DPYSL4: variants seen among roughly 807,000 people sequenced by gnomAD.
DPYSL4 encodes dihydropyrimidinase-related protein 4.
A neutral mutation model predicts 63.4 loss-of-function variants in DPYSL4; 43 were observed. The ratio of observed to expected loss-of-function variants is 0.68; its 90% CI spans 0.53 to 0.88. The LOEUF is 0.88. Among genes scored for constraint, DPYSL4 ranks in the 40% least tolerant of loss-of-function variants. The probability of loss-of-function intolerance (pLI) is 0.00; values close to 1 mark genes in which losing one functional copy is unlikely to be tolerated. For synonymous variants in DPYSL4, 353 were observed against 331.7 expected (o/e 1.06, Z -0.70); for missense variants, 733 against 819.5 (o/e 0.89, Z 1.29).
At chr10:132,189,430 T>C (rs1462238922) in intron 1 of DPYSL4, among the ~76,000 whole-genome samples, 1 of 152,266 alleles carries the variant, frequency 6.6e-6, no homozygotes, top group Admixed American at 6.5e-5. Flanking sequence ...CCCGGCCATC[T>C]GGTAGGATTC....
chr10:132,204,945 C>CCGA lies in DPYSL4; in HGVS notation c.*16_*17insGAC. The CCGA allele has an allele frequency of 6.2e-7, 1 of 1,602,594 alleles. No homozygotes were observed. The highest frequency in any genetic ancestry group is 2.2e-5 in the East Asian group (1 of 44,594). On this transcript the variant is annotated 3_prime_UTR_variant, in exon 14 of 14. Coordinates refer to ENST00000338492, the MANE Select transcript of DPYSL4 (RefSeq NM_006426.3). ...CTCTCTCCTAGACGCCCAGGACCGG[C>CCGA]CCTGTGAGCCGTGCTGGCCCCACCC...
chr10:132,203,752 C>G lies in DPYSL4; in HGVS notation c.1462-10C>G, dbSNP rs750218124. ...CTCATGCCCTGTCTCTGCCCCCACCCCCCCGGCAGCTGGCGGAGATCCACG... is the reference window on the plus strand; with the variant it reads ...CTCATGCCCTGTCTCTGCCCCCACCGCCCCGGCAGCTGGCGGAGATCCACG... On this transcript the variant is annotated splice_polypyrimidine_tract_variant and intron_variant, in intron 12 of 13. Transcript: ENST00000338492. 5 of 1,595,246 alleles carry G rather than the reference C, an allele frequency of 3.1e-6. No individual in the cohort carries two copies. In the Admixed American group the frequency reaches 8.4e-5, roughly 27 times the overall value.
intron 8 of DPYSL4, among the ~76,000 whole-genome samples, chr10:132,199,691 CGGGGTGGTGGTGGTGGTGGGT>C (rs1420167486): frequency 2.1e-5 from 1 of 48,442 alleles, no homozygotes; most frequent in African/African-American, 9.0e-5. Context: ...GGGTGGGGGG[CGGGGTGGTGGTGGTGGTGGGT>C]GGTGCCCTTC....
intron 6 of DPYSL4, 126 bp downstream of exon 6, chr10:132,197,227 C>A (rs2061957798): frequency 1.2e-6 from 1 of 858,852 alleles, no homozygotes; most frequent in Non-Finnish European, 1.7e-6. Context: ...CAGAATCCCA[C>A]AAAACCTTGA....
intron 11 of DPYSL4, among the ~76,000 whole-genome samples, chr10:132,202,422 C>T (rs922361378): frequency 1.3e-5 from 2 of 152,240 alleles, no homozygotes; most frequent in African/African-American, 4.8e-5. Context: ...CGCCTGTCCC[C>T]TTTGTCCTCG....
At chr10:132,192,333 C>T in intron 2 of DPYSL4, 1 of 1,018,366 alleles carries the variant, frequency 9.8e-7, no homozygotes. Context: ...ATACTGGTGC[C>T]CACATCTATT....
At chr10:132,190,320 C>G (rs1051450386) in intron 1 of DPYSL4, among the ~76,000 whole-genome samples, 3 of 152,214 alleles carry the variant, frequency 2.0e-5, no homozygotes, top group Non-Finnish European at 4.4e-5. Flanking sequence ...CAGCTCCGTC[C>G]GCTCCCAGCC....
Position 132,198,974 on chromosome 10 carries a change from G to A in DPYSL4, c.811+3G>A. The A allele has an allele frequency of 1.2e-6, 2 of 1,603,354 alleles. No individual in the cohort carries two copies. The highest frequency in any genetic ancestry group is 1.7e-6 in the Non-Finnish European group (2 of 1,174,090). ...CATCGCTCAGGCCAAGCGCAGAGGT[G>A]AGCACCCAGCCCCGCCTCTGATGCC... On this transcript the variant is annotated splice_donor_region_variant and intron_variant, in intron 8 of 13. Coordinates refer to ENST00000338492, the MANE Select transcript of DPYSL4 (RefSeq NM_006426.3).
intron 4 of DPYSL4, 49 bp downstream of exon 4, chr10:132,195,058 G>A (rs771906117): frequency 5.7e-6 from 9 of 1,571,596 alleles, no homozygotes; most frequent in East Asian, 2.3e-5. Context: ...CCTGGTGGAG[G>A]AGCCTCTGCC....
intron 6 of DPYSL4, among the ~76,000 whole-genome samples, chr10:132,197,535 C>T (rs1297111995): frequency 3.9e-5 from 6 of 152,204 alleles, no homozygotes; most frequent in East Asian, 1.9e-4. Flanking sequence ...GCAGTGGCGC[C>T]GACCCCCCAG....
In DPYSL4 at chr10:132,203,813, G is replaced by A. The variant is rs369633026; in HGVS notation, c.1513G>A (p.Glu505Lys). The part of the protein sequence containing the change: ...PRGLYDGPVH[E>K]VMVPAKPGSG... ...TGGACTGTATGACGGGCCCGTCCAC[G>A]AGGTGATGGTGCCTGCCAAGCCAGG... Residue 505 changes from glutamate (E) to lysine (K), a missense_variant, in exon 13 of 14, where the codon GAG becomes AAG. Glu to Lys is a moderately conservative substitution (Grantham distance 56). Transcript: ENST00000338492. 1.0e-4 allele frequency: 161 copies of A among 1,612,614 alleles called. No homozygotes were observed. Among genetic ancestry groups the A allele is most frequent in the Middle Eastern group, 1.7e-4 (1 of 6,058 alleles).
Position 132,205,002 on chromosome 10 carries a change from C to G in DPYSL4, c.*72C>G, listed in dbSNP as rs1195310114. 9 of 1,242,632 alleles carry G rather than the reference C, an allele frequency of 7.2e-6. No homozygotes were observed. The highest frequency in any genetic ancestry group is 1.5e-5 in the African/African-American group (1 of 65,722). The allele number at this position is 1,242,632 out of a possible 1,614,324, so 77.0% of individuals were successfully genotyped here. On this transcript the variant is annotated 3_prime_UTR_variant, in exon 14 of 14. Coordinates refer to ENST00000338492, the MANE Select transcript of DPYSL4 (RefSeq NM_006426.3). ...GCGGGGGCCCCAGGGCACTCGCCCC[C>G]CTCCTTAGCATTTTCTTTTGTAGAA...
chr10:132,188,722 G>A (rs1211033089), intron 1 of DPYSL4, among the ~76,000 whole-genome samples: 2 of 152,236 alleles, frequency 1.3e-5, no homozygotes, highest in Non-Finnish European at 2.9e-5. Context: ...AGCAGTCCTG[G>A]ACATTTAGGA....
chr10:132,199,089 A>C, intron 8 of DPYSL4, 118 bp downstream of exon 8: 1 of 1,418,228 alleles, frequency 7.1e-7, no homozygotes, highest in Non-Finnish European at 9.3e-7. Flanking sequence ...CTGGACCCTG[A>C]GTCCCTGCAT....
chr10:132,204,753 CA>C, intron 13 of DPYSL4, 85 bp from the exon 14 acceptor site: 2 of 1,218,280 alleles, frequency 1.6e-6, no homozygotes, highest in Non-Finnish European at 2.3e-6. Context: ...CCCACTGACG[CA>C]GCCACTGACT....
chr10:132,199,565 G>A (rs2061985556), intron 8 of DPYSL4, among the ~76,000 whole-genome samples: 1 of 151,990 alleles, frequency 6.6e-6, no homozygotes, highest in Non-Finnish European at 1.5e-5. Flanking sequence ...AAATGAGGGG[G>A]CATCCCCTAG....
chr10:132,202,844 G>A lies in DPYSL4; in HGVS notation c.1461+19G>A, dbSNP rs2062037671. ...CAACAGGGTAGGGCGGCACCCGCAA[G>A]GGTGTTGTGCAGGTAGGCAGGTGGG... On this transcript the variant is annotated intron_variant, in intron 12 of 13. Coordinates refer to ENST00000338492, the MANE Select transcript of DPYSL4 (RefSeq NM_006426.3). The A allele has an allele frequency of 6.4e-7, 1 of 1,571,114 alleles. No individual in the cohort carries two copies. Among genetic ancestry groups the A allele is most frequent in the Admixed American group, 1.8e-5 (1 of 57,122 alleles).
At chr10:132,198,328 G>A in intron 6 of DPYSL4, 87 bp from the exon 7 acceptor site, 1 of 1,367,576 alleles carries the variant, frequency 7.3e-7, no homozygotes, top group South Asian at 1.3e-5. Context: ...ACCACTTGGG[G>A]AATGGGGCCT....
chr10:132,199,709 G>A (rs2061987661), intron 8 of DPYSL4, among the ~76,000 whole-genome samples: 1 of 151,924 alleles, frequency 6.6e-6, no homozygotes, highest in African/African-American at 2.4e-5. Context: ...TGGTGGTGGT[G>A]GGTGGTGCCC....
Sources: allele counts gnomAD v4.1 joint callset (sites outside exome capture counted in the v4.1 genomes callset), GRCh38; gene constraint gnomAD v4.1.1; transcripts MANE v1.5; gene names NCBI Gene and HGNC (gene_info 2026-07-23, HGNC 2026-07-21).